The following JAKMIP3 variants were observed in gnomAD, a reference collection of about 807,000 sequenced individuals.
JAKMIP3 encodes the protein janus kinase and microtubule-interacting protein 3.
Under a neutral mutation model 118.5 loss-of-function variants are expected in JAKMIP3, and 58 were observed. That is an observed-to-expected ratio of 0.49 (90% CI 0.40 to 0.61). The LOEUF is 0.61. JAKMIP3 is among the 20% of genes least tolerant of loss of function. The probability of loss-of-function intolerance (pLI) is 0.00; values close to 1 mark genes in which losing one functional copy is unlikely to be tolerated. For missense variants in JAKMIP3, 950 were observed against 1,109.0 expected (o/e 0.86, Z 2.04); for synonymous variants, 486 against 451.2 (o/e 1.08, Z -0.98).
intron 17 of JAKMIP3, among the ~76,000 whole-genome samples, chr10:132,153,273 G>A (rs367547560): frequency 2.0e-5 from 3 of 152,204 alleles, no homozygotes; most frequent in African/African-American, 4.8e-5. Flanking sequence ...TCCCAAAGGC[G>A]GGAAGGTATG....
chr10:132,098,548 T>C (rs1337770433), intron 1 of JAKMIP3, among the ~76,000 whole-genome samples: 1 of 152,222 alleles, frequency 6.6e-6, no homozygotes, highest in Non-Finnish European at 1.5e-5. Flanking sequence ...CTTGTCCATC[T>C]TGAAGCATCT....
rs2818384 is a variant in JAKMIP3, at chr10:132,147,990, C to G, written c.1788C>G (p.His596Gln). The change falls in exon 14 of 24, where the codon CAC (histidine) becomes CAG (glutamine). Residue 596 changes from histidine (H) to glutamine (Q), a missense_variant. Physicochemically the swap from His to Gln is conservative, Grantham distance 24 (BLOSUM62 0). Coordinates refer to ENST00000684848, the MANE Select transcript of JAKMIP3 (RefSeq NM_001323087.2). ...AGACGGAAGAGGCTCGGCTCAGACACGAGGTGCAGGACGCCAGAGACCAAA... is the reference window on the plus strand; with the variant it reads ...AGACGGAAGAGGCTCGGCTCAGACAGGAGGTGCAGGACGCCAGAGACCAAA... The part of the protein sequence containing the change: ...QMETEEARLR[H>Q]EVQDARDQNE... The G allele has an allele frequency of 1.2e-6, 2 of 1,609,702 alleles. No individual in the cohort carries two copies. Among genetic ancestry groups the G allele is most frequent in the South Asian group, 2.2e-5 (2 of 90,746 alleles).
intron 16 of JAKMIP3, 109 bp from the exon 17 acceptor site, chr10:132,152,849 A>G: frequency 1.2e-6 from 1 of 801,586 alleles, no homozygotes; most frequent in South Asian, 1.5e-5. Context: ...GCCCCCACCC[A>G]GGCGTCCCCA....
chr10:132,082,189 T>A (rs2041866022), intron 1 of JAKMIP3, among the ~76,000 whole-genome samples: 1 of 152,084 alleles, frequency 6.6e-6, no homozygotes, highest in Non-Finnish European at 1.5e-5. Flanking sequence ...GGCTGAATTT[T>A]TTTTTGCTTC....
At chr10:132,130,911 T>C (rs989971200) in intron 3 of JAKMIP3, among the ~76,000 whole-genome samples, 1 of 151,516 alleles carries the variant, frequency 6.6e-6, no homozygotes, top group Non-Finnish European at 1.5e-5. Context: ...GGGTTCTGCC[T>C]ATGGACAGCC....
chr10:132,064,149 G>A (rs1166345733), upstream of JAKMIP3, among the ~76,000 whole-genome samples: 2 of 152,196 alleles, frequency 1.3e-5, no homozygotes, highest in South Asian at 2.1e-4. This position sits in a 1 kb window ranked among gnomAD's most constrained non-coding sequence, Gnocchi z 4.4. Flanking sequence ...TCTGTTGGAC[G>A]TCTAGGATGT....
At chr10:132,115,735 G>A (rs181221370) in intron 2 of JAKMIP3, among the ~76,000 whole-genome samples, 70 of 152,252 alleles carry the variant, frequency 4.6e-4, no homozygotes, top group African/African-American at 1.4e-3. Context: ...GAAAAATGTC[G>A]TTTCTAGTAG....
chr10:132,062,811 G>A (rs2038443148), upstream of JAKMIP3, among the ~76,000 whole-genome samples: 2 of 152,222 alleles, frequency 1.3e-5, no homozygotes, highest in South Asian at 2.1e-4. Context: ...TTTGCATGAC[G>A]GGAGCTGGGG....
chr10:132,168,644 C>G lies in JAKMIP3; in HGVS notation c.*714C>G, dbSNP rs554030215. On this transcript the variant is annotated 3_prime_UTR_variant, in exon 23 of 24. Coordinates refer to ENST00000684848, the MANE Select transcript of JAKMIP3 (RefSeq NM_001323087.2). ...TCAACCCTCTGCCTCCCTACTCAACCTGAGACAGGAAGGCCAAGATCCCGC... is the reference window on the plus strand; with the variant it reads ...TCAACCCTCTGCCTCCCTACTCAACGTGAGACAGGAAGGCCAAGATCCCGC... 3.0e-6 allele frequency: 1 copy of G among 334,884 alleles called. No homozygotes were observed. Among genetic ancestry groups the G allele is most frequent in the African/African-American group, 2.2e-5 (1 of 45,696 alleles). The allele number at this position is 334,884 out of a possible 1,614,324, so 20.7% of individuals were successfully genotyped here.
chr10:132,122,298 G>A (rs986168992), intron 3 of JAKMIP3, among the ~76,000 whole-genome samples: 16 of 152,056 alleles, frequency 1.1e-4, no homozygotes, highest in Admixed American at 2.6e-4. Flanking sequence ...ACTGCCCCCC[G>A]GTCGGCTCCC....
chr10:132,051,810 T>C (rs2038113872), intron 1 of JAKMIP3, among the ~76,000 whole-genome samples: 1 of 152,188 alleles, frequency 6.6e-6, no homozygotes, highest in East Asian at 1.9e-4. Context: ...TTTCGCCACA[T>C]TGCCCAGGTT....
chr10:132,182,290 C>T (rs1222024255), intron 23 of JAKMIP3, 67 bp from the exon 24 acceptor site: 1 of 152,312 alleles, frequency 6.6e-6, no homozygotes, highest in African/African-American at 2.4e-5. Context: ...TGAGTGCTGA[C>T]CTGTGGTGGG....
Position 132,049,545 on chromosome 10 carries a change from G to A in JAKMIP3, c.-138+12807G>A, listed in dbSNP as rs1434240380. On this transcript the variant is annotated intron_variant, in intron 1 of 23. Transcript: ENST00000657785. This position sits in a 1 kb window ranked among gnomAD's most constrained non-coding sequence, Gnocchi z 4.3. ...TCTTTTTTCATTTCTCTGATTTTTTGCCCTAAGCTGTTGAATTCCTAAATC... is the reference window on the plus strand; with the variant it reads ...TCTTTTTTCATTTCTCTGATTTTTTACCCTAAGCTGTTGAATTCCTAAATC... Among the ~76,000 whole-genome samples the A allele has an allele frequency of 1.4e-5, 2 of 146,876 alleles. No homozygotes were observed. Among genetic ancestry groups the A allele is most frequent in the Non-Finnish European group, 3.0e-5 (2 of 66,824 alleles).
intron 1 of JAKMIP3, among the ~76,000 whole-genome samples, chr10:132,077,078 G>A (rs941895142): frequency 3.3e-5 from 5 of 152,206 alleles, no homozygotes; most frequent in Admixed American, 1.3e-4. Flanking sequence ...CCACCCCAGC[G>A]TGTGAGAGTT....
At chr10:132,136,742 C>T (rs890084326) in intron 6 of JAKMIP3, among the ~76,000 whole-genome samples, 17 of 152,174 alleles carry the variant, frequency 1.1e-4, no homozygotes, top group Non-Finnish European at 2.1e-4. Context: ...GGGCTGTGAG[C>T]GATCCCCTCC....
intron 1 of JAKMIP3, among the ~76,000 whole-genome samples, chr10:132,099,818 G>A (rs7908278): frequency 0.61 from 93,156 of 152,022 alleles, 28,808 homozygotes; most frequent in East Asian, 0.71. Context: ...CGGACGGCAC[G>A]TTCCTCGGCA....
In JAKMIP3 at chr10:132,145,338, T is replaced by C. The variant is rs1589941766; in HGVS notation, c.1686+148T>C. On this transcript the variant is annotated intron_variant, in intron 12 of 23. Transcript: ENST00000684848. ...AAGCCATCCTCCCACCTCAGCCTCC[T>C]GAGTAGCTGGGACCACAGGCATGTG... 5.5e-6 allele frequency: 5 copies of C among 902,778 alleles called. No homozygotes were observed. In the East Asian group the frequency reaches 1.3e-4, roughly 24 times the overall value. The allele number at this position is 902,778 out of a possible 1,614,324, so 55.9% of individuals were successfully genotyped here.
intron 2 of JAKMIP3, among the ~76,000 whole-genome samples, chr10:132,113,887 G>A (rs192436674): frequency 4.6e-5 from 7 of 152,336 alleles, no homozygotes; most frequent in East Asian, 3.9e-4. Context: ...CCATGGCCAC[G>A]TGTGTGAGCC....
chr10:132,136,147 A>C, intron 6 of JAKMIP3, 71 bp downstream of exon 6: 2 of 1,530,424 alleles, frequency 1.3e-6, no homozygotes, highest in Non-Finnish European at 1.8e-6. Context: ...TCCCTTCTCC[A>C]CGCAAGATTT....
Sources: allele counts gnomAD v4.1 joint callset (sites outside exome capture counted in the v4.1 genomes callset), GRCh38; gene constraint gnomAD v4.1.1; non-coding constraint Gnocchi (gnomAD v3.1); transcripts MANE v1.5; gene names NCBI Gene and HGNC (gene_info 2026-07-23, HGNC 2026-07-21).